Variants in NCAM2 observed in about 807,000 individuals in gnomAD.
NCAM2 encodes N-CAM-2.
NCAM2 carries 30 observed loss-of-function variants against 98.1 expected under a neutral mutation model. The observed-to-expected ratio is 0.31, with a 90% CI of 0.23 to 0.41. The LOEUF is 0.41. Ranked by LOEUF, NCAM2 falls within the 10% of genes least tolerant of loss-of-function variation. The pLI is 1.00. For missense variants in NCAM2, 867 were observed against 1,005.8 expected (o/e 0.86, Z 1.87); for synonymous variants, 368 against 342.4 (o/e 1.07, Z -0.83).
chr21:21,272,306 T>C (rs905049513), intron 1 of NCAM2, among the ~76,000 whole-genome samples: 1 of 152,186 alleles, frequency 6.6e-6, no homozygotes, highest in African/African-American at 2.4e-5. Context: ...AAGCTCCTAA[T>C]TGAGGTCACT....
At chr21:21,488,732 T>C (rs942959527) in intron 15 of NCAM2, among the ~76,000 whole-genome samples, 2 of 151,748 alleles carry the variant, frequency 1.3e-5, no homozygotes, top group African/African-American at 4.8e-5. Context: ...TAATATGATA[T>C]AAGCAACATT....
chr21:21,089,381 T>G (rs961021586), intron 1 of NCAM2, among the ~76,000 whole-genome samples: 2 of 152,130 alleles, frequency 1.3e-5, no homozygotes, highest in Non-Finnish European at 2.9e-5. Context: ...GAGAATTTTC[T>G]CTCCCTAATA....
At chr21:21,107,394 A>T (rs1229344581) in intron 1 of NCAM2, among the ~76,000 whole-genome samples, 1 of 152,026 alleles carries the variant, frequency 6.6e-6, no homozygotes, top group Non-Finnish European at 1.5e-5. Flanking sequence ...TTTTCCATGC[A>T]AGGTTAATAG....
chr21:21,049,082 A>C (rs538782078), intron 1 of NCAM2, among the ~76,000 whole-genome samples: 3 of 141,128 alleles, frequency 2.1e-5, no homozygotes, highest in Non-Finnish European at 4.5e-5. Context: ...GCAGTGGCGC[A>C]ATCTCGGCTC....
intron 2 of NCAM2, among the ~76,000 whole-genome samples, chr21:21,283,284 G>T (rs1255771140): frequency 6.6e-6 from 1 of 151,950 alleles, no homozygotes; most frequent in Non-Finnish European, 1.5e-5. Flanking sequence ...AGGTCCTGCA[G>T]ATGTTAGTTG....
chr21:21,289,353 G>A (rs1321082910), intron 4 of NCAM2, among the ~76,000 whole-genome samples: 2 of 151,900 alleles, frequency 1.3e-5, no homozygotes, highest in Non-Finnish European at 2.9e-5. Context: ...AGGTAAATCA[G>A]TGTGAGAACA....
chr21:21,316,533 C>CTTTTTTTTT (rs34341259), intron 5 of NCAM2, among the ~76,000 whole-genome samples: 276 of 110,782 alleles, frequency 2.5e-3, no homozygotes, highest in Non-Finnish European at 3.1e-3. Context: ...ATCTTTTATT[C>CTTTTTTTTT]TTTTTTTTTT....
At chr21:21,459,683 T>C (rs1982678524) in intron 12 of NCAM2, among the ~76,000 whole-genome samples, 1 of 151,574 alleles carries the variant, frequency 6.6e-6, no homozygotes, top group South Asian at 2.1e-4. Context: ...AAAAGAATCA[T>C]ACTCATAGAA....
intron 4 of NCAM2, among the ~76,000 whole-genome samples, chr21:21,290,397 A>C (rs2147561409): frequency 6.6e-6 from 1 of 151,948 alleles, no homozygotes; most frequent in South Asian, 2.1e-4. Flanking sequence ...AACTTTATGA[A>C]GTTTCAGGAG....
At chr21:21,090,338 C>T (rs1259570190) in intron 1 of NCAM2, among the ~76,000 whole-genome samples, 1 of 152,042 alleles carries the variant, frequency 6.6e-6, no homozygotes, top group Non-Finnish European at 1.5e-5. Context: ...TTTCTGGGAA[C>T]ACTAAAACAT....
intron 9 of NCAM2, among the ~76,000 whole-genome samples, chr21:21,408,324 A>C (rs1164003298): frequency 1.3e-5 from 2 of 152,212 alleles, no homozygotes; most frequent in African/African-American, 4.8e-5. Context: ...TATCTGTGTA[A>C]TATTTAGCAC....
At chr21:21,190,278 T>C (rs1052215296) in intron 1 of NCAM2, among the ~76,000 whole-genome samples, 1 of 152,200 alleles carries the variant, frequency 6.6e-6, no homozygotes, top group Non-Finnish European at 1.5e-5. Flanking sequence ...ACAGAATGTG[T>C]GCTCTGAACA....
chr21:21,332,957 A>C (rs868409848), intron 6 of NCAM2, among the ~76,000 whole-genome samples: 1 of 152,316 alleles, frequency 6.6e-6, no homozygotes. Context: ...TTATCATTCA[A>C]TTCTTTAGTG....
rs572685038 is a variant in NCAM2 at position 21,243,139 on chromosome 21, T to G, written c.56-37439T>G. On this transcript the variant is annotated intron_variant, in intron 1 of 17. Coordinates refer to ENST00000400546, the MANE Select transcript of NCAM2 (RefSeq NM_004540.5). ...ATAGGGCAAAATACTTCCAACGTTT[T>G]AAGAGCCAAAGAAATAATATAATGT... 5.8e-4 allele frequency among the ~76,000 whole-genome samples: 88 copies of G among 152,300 alleles called. 1 individual carries two copies. The highest frequency in any genetic ancestry group is 6.2e-4 in the South Asian group (3 of 4,828).
intron 9 of NCAM2, among the ~76,000 whole-genome samples, chr21:21,380,716 T>A (rs978358195): frequency 1.1e-4 from 16 of 152,200 alleles, no homozygotes; most frequent in African/African-American, 3.9e-4. Context: ...TCTCAAACTT[T>A]CCTTGCAATT....
At chr21:21,237,949 C>CTTTTTTTTTT (rs71195313) in intron 1 of NCAM2, among the ~76,000 whole-genome samples, 16 of 114,472 alleles carry the variant, frequency 1.4e-4, no homozygotes, top group African/African-American at 1.7e-4. Context: ...CATTGTAATT[C>CTTTTTTTTTT]TTTTTTTTTT....
intron 12 of NCAM2, among the ~76,000 whole-genome samples, chr21:21,458,469 C>T (rs1248329281): frequency 6.6e-6 from 1 of 152,190 alleles, no homozygotes; most frequent in Non-Finnish European, 1.5e-5. Context: ...CACTTAGGGG[C>T]AGTGTGGGAG....
chr21:21,363,127 T>C (rs1340856380), intron 8 of NCAM2, among the ~76,000 whole-genome samples: 2 of 152,190 alleles, frequency 1.3e-5, no homozygotes, highest in African/African-American at 4.8e-5. Flanking sequence ...AATTTGTTTA[T>C]AAACTAGAAT....
At chr21:21,316,175 A>G (rs896897220) in intron 5 of NCAM2, among the ~76,000 whole-genome samples, 1 of 152,194 alleles carries the variant, frequency 6.6e-6, no homozygotes, top group Non-Finnish European at 1.5e-5. Flanking sequence ...AAAGATTTAT[A>G]GGGGAGAAAA....
Sources: gnomAD v4.1 joint callset for allele counts (sites outside exome capture counted in the v4.1 genomes callset) on GRCh38, gnomAD v4.1.1 for gene constraint, MANE v1.5 for transcripts, NCBI Gene and HGNC (gene_info 2026-07-23, HGNC 2026-07-21) for gene names.